OR1J2: variants seen among roughly 807,000 people sequenced by gnomAD.
OR1J2 encodes olfactory receptor family 1 subfamily J member 2, also known as olfactory receptor 1J2.
For synonymous variants in OR1J2, 142 were observed against 99.7 expected (o/e 1.42, Z -2.52); for missense variants, 304 against 246.1 (o/e 1.24, Z -1.57).
the OR1J2 span, among the ~76,000 whole-genome samples, chr9:122,532,058 T>C: frequency 2.4e-5 from 2 of 81,742 alleles, no homozygotes; most frequent in African/African-American, 8.6e-5. Context: ...AATAGCAAAT[T>C]TGCCAGTCCT....
At chr9:122,463,327 A>G in the OR1J2 span, among the ~76,000 whole-genome samples, 19 of 151,980 alleles carry the variant, frequency 1.3e-4, no homozygotes, top group Non-Finnish European at 2.2e-4. Flanking sequence ...TTCCATTCAT[A>G]TCCTGTATCT....
chr9:122,453,556 A>G, the OR1J2 span, among the ~76,000 whole-genome samples: 985 of 152,314 alleles, frequency 6.5e-3, 6 homozygotes, highest in Middle Eastern at 0.031. Context: ...GTGTCCCTCA[A>G]GAGATTGTAG....
At chr9:122,546,235 T>C in the OR1J2 span, among the ~76,000 whole-genome samples, 1 of 152,118 alleles carries the variant, frequency 6.6e-6, no homozygotes, top group African/African-American at 2.4e-5. Flanking sequence ...GGGAGGAAAG[T>C]AAATAATTTG....
chr9:122,488,153 T>C, the OR1J2 span, among the ~76,000 whole-genome samples: 6 of 152,202 alleles, frequency 3.9e-5, no homozygotes, highest in African/African-American at 1.4e-4. Context: ...TTTTGTTTTA[T>C]TTTTGTTTTG....
the OR1J2 span, among the ~76,000 whole-genome samples, chr9:122,534,649 AGCTCGGCCTG>A: frequency 1.3e-5 from 2 of 152,068 alleles, no homozygotes; most frequent in Non-Finnish European, 2.9e-5. Flanking sequence ...ATTGGGACCT[AGCTCGGCCTG>A]GCGAGGAGGG....
At chr9:122,466,961 G>A in the OR1J2 span, among the ~76,000 whole-genome samples, 65 of 152,082 alleles carry the variant, frequency 4.3e-4, 1 homozygote, top group Admixed American at 4.3e-3. Context: ...TGGGATTACA[G>A]GTGCCCACGA....
chr9:122,449,870 A>T, the OR1J2 span, among the ~76,000 whole-genome samples: 1 of 152,106 alleles, frequency 6.6e-6, no homozygotes, highest in Non-Finnish European at 1.5e-5. Flanking sequence ...TAAAACTGAG[A>T]GTCAAGTCCT....
chr9:122,479,197 G>A, the OR1J2 span, among the ~76,000 whole-genome samples: 1 of 152,284 alleles, frequency 6.6e-6, no homozygotes, highest in African/African-American at 2.4e-5. Context: ...TATGTCTAAG[G>A]AGCATTGGCT....
At chr9:122,578,610 T>C in the OR1J2 span, among the ~76,000 whole-genome samples, 1 of 152,130 alleles carries the variant, frequency 6.6e-6, no homozygotes, top group Non-Finnish European at 1.5e-5. Context: ...TACCATGGAA[T>C]ACTATTTGGC....
chr9:122,461,150 T>C, the OR1J2 span, among the ~76,000 whole-genome samples: 14 of 152,258 alleles, frequency 9.2e-5, 2 homozygotes, highest in South Asian at 2.9e-3. Context: ...CAGTACTATG[T>C]TGAATAGAAG....
the OR1J2 span, among the ~76,000 whole-genome samples, chr9:122,532,900 A>G: frequency 2.6e-5 from 4 of 152,254 alleles, no homozygotes; most frequent in African/African-American, 7.2e-5. Context: ...GGACACGATC[A>G]GCAGGGAGAG....
the OR1J2 span, among the ~76,000 whole-genome samples, chr9:122,453,583 T>C: frequency 6.6e-6 from 1 of 152,156 alleles, no homozygotes; most frequent in African/African-American, 2.4e-5. Context: ...CATACTCAGT[T>C]CCCAGGGGCT....
chr9:122,559,057 A>G, the OR1J2 span, among the ~76,000 whole-genome samples: 1 of 152,080 alleles, frequency 6.6e-6, no homozygotes, highest in Non-Finnish European at 1.5e-5. Flanking sequence ...AGGTGAGAAC[A>G]TTCACAATCC....
the OR1J2 span, among the ~76,000 whole-genome samples, chr9:122,550,505 A>G: frequency 6.6e-6 from 1 of 152,206 alleles, no homozygotes; most frequent in African/African-American, 2.4e-5. Context: ...TCCATAAAAT[A>G]CTAGCAAACT....
chr9:122,508,309 G>A (rs1828568943), upstream of OR1J2, among the ~76,000 whole-genome samples: 1 of 152,088 alleles, frequency 6.6e-6, no homozygotes, highest in South Asian at 2.1e-4. Context: ...ATGTTAGGGT[G>A]GGGATGTCTT....
chr9:122,491,288 GA>G, the OR1J2 span, among the ~76,000 whole-genome samples: 1 of 152,136 alleles, frequency 6.6e-6, no homozygotes, highest in Non-Finnish European at 1.5e-5. Flanking sequence ...GGTCATCCAT[GA>G]GACAAATTTA....
At chr9:122,504,196 C>T in the OR1J2 span, among the ~76,000 whole-genome samples, 4 of 152,186 alleles carry the variant, frequency 2.6e-5, no homozygotes, top group East Asian at 1.9e-4. Flanking sequence ...CACTGGATGT[C>T]GCATGGTTAG....
At chr9:122,539,438 A>C in the OR1J2 span, among the ~76,000 whole-genome samples, 49 of 152,340 alleles carry the variant, frequency 3.2e-4, no homozygotes, top group African/African-American at 1.1e-3. Flanking sequence ...TACAAAGGAC[A>C]TGAACTCATC....
At chr9:122,498,826 A>G in the OR1J2 span, among the ~76,000 whole-genome samples, 56,323 of 151,342 alleles carry the variant, frequency 0.37, 10,959 homozygotes, top group African/African-American at 0.45. Context: ...CGTTAATGTT[A>G]TTATTTATTA....
Sources: allele counts gnomAD v4.1 joint callset (sites outside exome capture counted in the v4.1 genomes callset), GRCh38; gene constraint gnomAD v4.1.1; transcripts MANE v1.5; gene names NCBI Gene and HGNC (gene_info 2026-07-23, HGNC 2026-07-21).